Variants in CLVS1 observed in about 807,000 individuals in gnomAD.
The protein encoded by CLVS1 is clavesin-1.
CLVS1 carries 10 observed loss-of-function variants against 33.1 expected under a neutral mutation model. The observed-to-expected ratio is 0.30, with a 90% confidence interval of 0.19 to 0.51. CLVS1 has a LOEUF of 0.51. Ranked by LOEUF, CLVS1 falls within the 20% of genes least tolerant of loss-of-function variation. The pLI is 0.97. For synonymous variants in CLVS1, 163 were observed against 166.1 expected (o/e 0.98, Z 0.14); for missense variants, 343 against 433.4 (o/e 0.79, Z 1.85).
At chr8:61,226,983 T>G (rs1325604903) in intron 2 of CLVS1, among the ~76,000 whole-genome samples, 2 of 79,222 alleles carry the variant, frequency 2.5e-5, no homozygotes, top group South Asian at 9.0e-4. Flanking sequence ...AAAACATGTT[T>G]TTTTTTTTTT....
chr8:61,299,762 G>A lies in CLVS1; in HGVS notation c.-66G>A, dbSNP rs1030443283. The A allele has an allele frequency of 8.0e-7, 1 of 1,242,676 alleles. No homozygotes were observed. The highest frequency in any genetic ancestry group is 1.5e-5 in the African/African-American group (1 of 66,982). 77.0% of individuals were successfully genotyped at this position (1,242,676 alleles called of 1,614,324 possible). On this transcript the variant is annotated 5_prime_UTR_variant, in exon 2 of 6. Coordinates refer to ENST00000325897, the MANE Select transcript of CLVS1 (RefSeq NM_173519.3). ...GTGAAAGAAGACCCTCTATTTGTCTGTTCCGGGGCAGCCTGGTAGTAAAAC... is the reference window on the plus strand; with the variant it reads ...GTGAAAGAAGACCCTCTATTTGTCTATTCCGGGGCAGCCTGGTAGTAAAAC...
At chr8:61,016,292 A>T in the CLVS1 span, among the ~76,000 whole-genome samples, 1 of 152,250 alleles carries the variant, frequency 6.6e-6, no homozygotes, top group Non-Finnish European at 1.5e-5. Flanking sequence ...CATTTTGGGT[A>T]AGGGGTACTC....
At chr8:61,418,718 A>G (rs1815538880) in intron 3 of CLVS1, among the ~76,000 whole-genome samples, 1 of 152,246 alleles carries the variant, frequency 6.6e-6, no homozygotes, top group Non-Finnish European at 1.5e-5. Flanking sequence ...CACTCTTTGA[A>G]GCTTACAAGA....
intron 2 of CLVS1, among the ~76,000 whole-genome samples, chr8:61,156,371 C>T (rs554451524): frequency 6.6e-6 from 1 of 152,086 alleles, no homozygotes; most frequent in African/African-American, 2.4e-5. Context: ...CTGTGAGTCT[C>T]ACACTTCGGA....
intron 3 of CLVS1, among the ~76,000 whole-genome samples, chr8:61,417,379 A>T (rs1041733649): frequency 4.9e-4 from 74 of 152,278 alleles, no homozygotes; most frequent in African/African-American, 1.8e-3. Context: ...TTTTCTTTGA[A>T]TGTGATACAA....
chr8:61,357,489 C>CTTTTTTTTTTTTTTTTTTT (rs1462908906), intron 2 of CLVS1, among the ~76,000 whole-genome samples: 3 of 30,268 alleles, frequency 9.9e-5, no homozygotes, highest in South Asian at 1.4e-3. Context: ...TTTCCTTTTT[C>CTTTTTTTTTTTTTTTTTTT]TTTTCTTTTT....
chr8:61,331,489 T>C (rs562467301), intron 2 of CLVS1, among the ~76,000 whole-genome samples: 86 of 151,792 alleles, frequency 5.7e-4, no homozygotes, highest in African/African-American at 2.0e-3. Flanking sequence ...TTTTTAACTT[T>C]TGTTATTTGA....
At chr8:61,386,601 C>T (rs1814094566) in intron 3 of CLVS1, among the ~76,000 whole-genome samples, 1 of 152,160 alleles carries the variant, frequency 6.6e-6, no homozygotes, top group African/African-American at 2.4e-5. Flanking sequence ...GAATTTCTAG[C>T]TCAGGAGGCA....
intron 3 of CLVS1, among the ~76,000 whole-genome samples, chr8:61,410,095 T>TC (rs1425165953): frequency 7.4e-4 from 91 of 123,396 alleles, no homozygotes; most frequent in Non-Finnish European, 1.3e-3. Context: ...TCTTTGTTTT[T>TC]GCTAGGTAAA....
At chr8:60,991,782 C>T in the CLVS1 span, among the ~76,000 whole-genome samples, 4 of 146,108 alleles carry the variant, frequency 2.7e-5, no homozygotes, top group South Asian at 4.3e-4. Flanking sequence ...AGTCTTGTTC[C>T]GTTGCCCAGG....
At chr8:61,102,954 GTT>G (rs774118518) in intron 1 of CLVS1, among the ~76,000 whole-genome samples, 14 of 152,138 alleles carry the variant, frequency 9.2e-5, no homozygotes, top group Admixed American at 2.6e-4. Context: ...GAAGCTGTTA[GTT>G]TTTATGGGTG....
rs372612220 is a variant in CLVS1 at position 61,399,758 on chromosome 8, G to T, written c.630+22979G>T. 2.3e-3 allele frequency among the ~76,000 whole-genome samples: 350 copies of T among 152,266 alleles called. 2 individuals are homozygous for T. Among genetic ancestry groups the T allele is most frequent in the African/African-American group, 7.7e-3 (321 of 41,556 alleles). The stretch of plus-strand genomic sequence containing the variant: ...AATTTCCATTTTCTGCATATGGCTA[G>T]CCAGTTCTCCCAGCACCATTTATTA... On this transcript the variant is annotated intron_variant, in intron 3 of 5. Coordinates refer to ENST00000325897, the MANE Select transcript of CLVS1 (RefSeq NM_173519.3).
chr8:61,234,735 A>T (rs1203687181), intron 2 of CLVS1, among the ~76,000 whole-genome samples: 1 of 152,132 alleles, frequency 6.6e-6, no homozygotes, highest in Admixed American at 6.5e-5. Flanking sequence ...GAAGTTAACC[A>T]CTATCCTTTG....
chr8:61,158,202 G>A (rs1412917056), intron 2 of CLVS1, among the ~76,000 whole-genome samples: 1 of 152,166 alleles, frequency 6.6e-6, no homozygotes, highest in Non-Finnish European at 1.5e-5. Flanking sequence ...AGTGAAAGAA[G>A]CCAGATCCCC....
chr8:61,479,369 T>G (rs1818090572), intron 5 of CLVS1, among the ~76,000 whole-genome samples: 2 of 152,238 alleles, frequency 1.3e-5, no homozygotes, highest in Admixed American at 6.5e-5. Context: ...TTCCAGTTGA[T>G]CGCATCAGCT....
At chr8:60,978,364 T>C in the CLVS1 span, among the ~76,000 whole-genome samples, 13 of 152,242 alleles carry the variant, frequency 8.5e-5, no homozygotes, top group Non-Finnish European at 1.6e-4. Context: ...ATGCAATGTA[T>C]ACAGGTGTAA....
chr8:61,199,248 T>C (rs1807678863), intron 2 of CLVS1, among the ~76,000 whole-genome samples: 2 of 152,012 alleles, frequency 1.3e-5, no homozygotes, highest in African/African-American at 4.8e-5. Flanking sequence ...AAGCCAAAAA[T>C]AAATAAATGA....
intron 1 of CLVS1, among the ~76,000 whole-genome samples, chr8:61,290,643 A>G (rs910398232): frequency 6.6e-6 from 1 of 152,206 alleles, no homozygotes; most frequent in East Asian, 1.9e-4. Flanking sequence ...TCACAACTTG[A>G]CGTACTCCCT....
the CLVS1 span, among the ~76,000 whole-genome samples, chr8:60,971,875 AC>A: frequency 4.0e-5 from 6 of 151,696 alleles, no homozygotes; most frequent in African/African-American, 1.5e-4. Flanking sequence ...TCTTTAAGAT[AC>A]CCCAGGCTGC....
Sources: gnomAD v4.1 joint callset for allele counts (sites outside exome capture counted in the v4.1 genomes callset) on GRCh38, gnomAD v4.1.1 for gene constraint, MANE v1.5 for transcripts, NCBI Gene and HGNC (gene_info 2026-07-23, HGNC 2026-07-21) for gene names.